The following PPP5C variants were observed in gnomAD, a reference collection of about 807,000 sequenced individuals.
PPP5C encodes protein phosphatase 5 catalytic subunit.
In PPP5C, 21 loss-of-function variants were observed where a neutral mutation model predicts 66.7. That is an observed-to-expected ratio of 0.31 (90% CI 0.22 to 0.45). The LOEUF is 0.45. PPP5C is among the 20% of genes least tolerant of loss of function. The pLI, the probability that PPP5C is intolerant of heterozygous loss-of-function variation, is 1.00. For synonymous variants in PPP5C, 246 were observed against 257.4 expected (o/e 0.96, Z 0.43); for missense variants, 464 against 675.9 (o/e 0.69, Z 3.48).
In PPP5C at chr19:46,355,883, AG is replaced by A. The variant is rs796303953; in HGVS notation, c.363+1897del. Reference sequence around the variant, plus strand: ...GGAGCCCCAAGGACAGGTTTAGGGCAGGGTCTTCATCTCGTGTGGGGCTGCA... The same window carrying A: ...GGAGCCCCAAGGACAGGTTTAGGGCAGGTCTTCATCTCGTGTGGGGCTGCA... On this transcript the variant is annotated intron_variant, in intron 2 of 12. Transcript: ENST00000012443. Among the ~76,000 whole-genome samples the A allele has an allele frequency of 3.1e-3, 466 of 152,100 alleles. 3 individuals carry two copies. Among genetic ancestry groups the A allele is most frequent in the African/African-American group, 0.011 (436 of 41,508 alleles).
intron 2 of PPP5C, among the ~76,000 whole-genome samples, chr19:46,361,320 G>A (rs371337807): frequency 6.7e-6 from 1 of 150,272 alleles, no homozygotes; most frequent in African/African-American, 2.4e-5. Context: ...TATGAGAGAC[G>A]GGGTTTCACT....
Position 46,383,886 on chromosome 19 carries a change from T to G in PPP5C, c.798+8T>G. On this transcript the variant is annotated splice_region_variant and intron_variant, in intron 6 of 12. Transcript: ENST00000012443. The surrounding 1 kb of genome is among the most constrained non-coding windows in gnomAD (Gnocchi z 5.0). ...TCGGAGACCAACCCCTATGTATCCT[T>G]CTCAGCAGAGCCACCCTCTCCCCAC... is the stretch of plus-strand genomic sequence containing the variant. 6.2e-7 allele frequency: 1 copy of G among 1,600,990 alleles called. No homozygotes were observed. Among genetic ancestry groups the G allele is most frequent in the Non-Finnish European group, 8.6e-7 (1 of 1,168,186 alleles).
intron 1 of PPP5C, among the ~76,000 whole-genome samples, chr19:46,353,356 C>G (rs1972224241): frequency 6.6e-6 from 1 of 152,176 alleles, no homozygotes; most frequent in Admixed American, 6.5e-5. Context: ...GTCCCACCAG[C>G]CTCCCTGCCT....
chr19:46,383,332 A>T lies in PPP5C; in HGVS notation c.634-79A>T, dbSNP rs574561252. Reference sequence around the variant, plus strand: ...CTCGCCCTCAGCCCAGCAGCGTCTCATGGGCAGTCCAGGCTTTCGGGGCCA... The same window carrying T: ...CTCGCCCTCAGCCCAGCAGCGTCTCTTGGGCAGTCCAGGCTTTCGGGGCCA... On this transcript the variant is annotated intron_variant, in intron 4 of 12. Coordinates refer to ENST00000012443, the MANE Select transcript of PPP5C (RefSeq NM_006247.4). This position sits in a 1 kb window ranked among gnomAD's most constrained non-coding sequence, Gnocchi z 5.0. 3.2e-6 allele frequency: 5 copies of T among 1,568,388 alleles called. No individual in the cohort carries two copies. The Admixed American group carries it at 7.6e-5, about 24-fold the overall frequency.
intron 2 of PPP5C, 131 bp downstream of exon 2, chr19:46,354,120 G>C (rs569475840): frequency 1.9e-4 from 253 of 1,347,188 alleles, no homozygotes; most frequent in Middle Eastern, 2.6e-4. Flanking sequence ...TGCCTGTGGG[G>C]CCTTGGGCCC....
intron 2 of PPP5C, among the ~76,000 whole-genome samples, chr19:46,368,268 C>A (rs1406756179): frequency 6.6e-6 from 1 of 152,182 alleles, no homozygotes; most frequent in East Asian, 1.9e-4. Context: ...GTAAGCTTCA[C>A]CAGGTGGTGA....
intron 7 of PPP5C, among the ~76,000 whole-genome samples, chr19:46,386,372 C>T (rs546129742): frequency 2.0e-5 from 3 of 152,100 alleles, no homozygotes; most frequent in Non-Finnish European, 2.9e-5. Flanking sequence ...ACAGGGTTCA[C>T]GCAGCAGTGT....
intron 1 of PPP5C, among the ~76,000 whole-genome samples, chr19:46,348,597 A>G (rs1451965592): frequency 6.6e-6 from 1 of 152,158 alleles, no homozygotes; most frequent in East Asian, 1.9e-4. Flanking sequence ...TACAGGCATG[A>G]GCCACCACGC....
intron 4 of PPP5C, chr19:46,382,864 T>A (rs1252654067): frequency 9.3e-7 from 1 of 1,070,748 alleles, no homozygotes; most frequent in Non-Finnish European, 1.1e-6. Flanking sequence ...CAAGGTCATA[T>A]CCAATCTGTG....
Position 46,376,689 on chromosome 19 carries a change from C to T in PPP5C, c.633+115C>T, listed in dbSNP as rs878921043. ...GAAGGGCGGCCATGACAGCCAACAC[C>T]AAACAGGAGTCGTGTGCCGGACACT... is the stretch of plus-strand genomic sequence containing the variant. On this transcript the variant is annotated intron_variant, in intron 4 of 12. Coordinates refer to ENST00000012443, the MANE Select transcript of PPP5C (RefSeq NM_006247.4). This position sits in a 1 kb window ranked among gnomAD's most constrained non-coding sequence, Gnocchi z 5.1. 1 of 1,410,634 alleles carries T rather than the reference C, an allele frequency of 7.1e-7. No homozygotes were observed. Among genetic ancestry groups the T allele is most frequent in the South Asian group, 1.3e-5 (1 of 75,450 alleles). The allele number at this position is 1,410,634 out of a possible 1,614,324, so 87.4% of individuals were successfully genotyped here.
chr19:46,387,672 C>T (rs1420701177), intron 9 of PPP5C: 56 of 1,480,898 alleles, frequency 3.8e-5, no homozygotes, highest in Middle Eastern at 1.9e-4. Context: ...GGTGAAGGCA[C>T]GGTGACCGCC....
intron 9 of PPP5C, chr19:46,387,946 A>T (rs929914427): frequency 3.5e-6 from 1 of 287,546 alleles, no homozygotes; most frequent in African/African-American, 2.1e-5. Context: ...CCTGGCGAGC[A>T]TATTCCAGGC....
chr19:46,356,285 A>C (rs1001170660), intron 2 of PPP5C, among the ~76,000 whole-genome samples: 1 of 152,236 alleles, frequency 6.6e-6, no homozygotes, highest in East Asian at 1.9e-4. Flanking sequence ...ACCTGTCATC[A>C]GGCCATCCAT....
intron 3 of PPP5C, 122 bp downstream of exon 3, chr19:46,375,873 G>T: frequency 1.4e-6 from 2 of 1,433,174 alleles, no homozygotes; most frequent in African/African-American, 1.4e-5. Context: ...GCTGGTGTCT[G>T]TCGCTCCTCT....
Position 46,387,355 on chromosome 19 carries a change from C to T in PPP5C, c.1048-11C>T. 6.2e-7 allele frequency: 1 copy of T among 1,606,690 alleles called. No individual in the cohort carries two copies. Among genetic ancestry groups the T allele is most frequent in the Non-Finnish European group, 8.5e-7 (1 of 1,174,206 alleles). Reference sequence around the variant, plus strand: ...CACCTTCCCTCACAGCGGCATCCCCCATCTCCCCAGATCATGCACGGAGGC... The same window carrying T: ...CACCTTCCCTCACAGCGGCATCCCCTATCTCCCCAGATCATGCACGGAGGC... On this transcript the variant is annotated splice_polypyrimidine_tract_variant and intron_variant, in intron 8 of 12. Coordinates refer to ENST00000012443, the MANE Select transcript of PPP5C (RefSeq NM_006247.4).
intron 2 of PPP5C, among the ~76,000 whole-genome samples, chr19:46,371,586 A>C (rs1040373280): frequency 1.3e-5 from 2 of 152,164 alleles, no homozygotes; most frequent in African/African-American, 4.8e-5. Flanking sequence ...TAAGCAGGGC[A>C]GGCGCAGCGG....
chr19:46,359,302 T>C (rs1227814681), intron 2 of PPP5C, among the ~76,000 whole-genome samples: 1 of 152,182 alleles, frequency 6.6e-6, no homozygotes, highest in South Asian at 2.1e-4. Context: ...CAGAATACCA[T>C]GATTTTCATT....
chr19:46,388,366 G>C lies in PPP5C; in HGVS notation c.1136-42G>C. ...GTGGCCTGTGAGTGACCACCCCCGGGGAGGTGGACGAGTCCCTAATGTTTC... is the reference window on the plus strand; with the variant it reads ...GTGGCCTGTGAGTGACCACCCCCGGCGAGGTGGACGAGTCCCTAATGTTTC... On this transcript the variant is annotated intron_variant, in intron 9 of 12. Coordinates refer to ENST00000012443, the MANE Select transcript of PPP5C (RefSeq NM_006247.4). This position sits in a 1 kb window ranked among gnomAD's most constrained non-coding sequence, Gnocchi z 4.9. 6.3e-7 allele frequency: 1 copy of C among 1,587,992 alleles called. No homozygotes were observed. Among genetic ancestry groups the C allele is most frequent in the Non-Finnish European group, 8.6e-7 (1 of 1,163,292 alleles).
In PPP5C at chr19:46,388,796, T is replaced by G. The variant is rs561139779; in HGVS notation, c.1355+65T>G. 1.3e-6 allele frequency: 2 copies of G among 1,557,420 alleles called. No individual in the cohort carries two copies. The highest frequency in any genetic ancestry group is 4.5e-5 in the East Asian group (2 of 44,296). On this transcript the variant is annotated intron_variant, in intron 11 of 12. Transcript: ENST00000012443. The surrounding 1 kb of genome is among the most constrained non-coding windows in gnomAD (Gnocchi z 4.9). Reference sequence around the variant, plus strand: ...CACGGGTTTTTGTCTTGGTTTTTGTTTTGCCTTTTTATGATGGAACATTTC... The same window carrying G: ...CACGGGTTTTTGTCTTGGTTTTTGTGTTGCCTTTTTATGATGGAACATTTC...
Sources: gnomAD v4.1 joint callset for allele counts (sites outside exome capture counted in the v4.1 genomes callset) on GRCh38, gnomAD v4.1.1 for gene constraint, Gnocchi (gnomAD v3.1) non-coding constraint, MANE v1.5 for transcripts, NCBI Gene and HGNC (gene_info 2026-07-23, HGNC 2026-07-21) for gene names.